The following STK40 variants were observed in gnomAD, a reference collection of about 807,000 sequenced individuals.
The protein encoded by STK40 is serine/threonine-protein kinase 40.
STK40 carries 13 observed loss-of-function variants against 47.9 expected under a neutral mutation model. That is an observed-to-expected ratio of 0.27 (90% CI 0.18 to 0.43). The LOEUF is 0.43. Ranked by LOEUF, STK40 falls within the 20% of genes least tolerant of loss-of-function variation. The probability of loss-of-function intolerance (pLI) is 1.00; values close to 1 mark genes in which losing one functional copy is unlikely to be tolerated. For missense variants in STK40, 460 were observed against 595.1 expected (o/e 0.77, Z 2.36); for synonymous variants, 225 against 243.2 (o/e 0.93, Z 0.69).
At position 36,340,867 on chromosome 1, in the gene STK40, G is replaced by A. The variant is rs749221399; in HGVS notation, c.*888C>T. The A allele has an allele frequency of 3.9e-5, 6 of 152,426 alleles. No individual in the cohort carries two copies. The highest frequency in any genetic ancestry group is 7.3e-5 in the Non-Finnish European group (5 of 68,210). 9.4% of individuals were successfully genotyped at this position (152,426 alleles called of 1,614,324 possible). Reference sequence around the variant, plus strand: ...GGCCAGGCCTGCAGCCCAACCCATGGGCCCCTTCGCACTGGGAGTCCACGT... The same window carrying A: ...GGCCAGGCCTGCAGCCCAACCCATGAGCCCCTTCGCACTGGGAGTCCACGT... On this transcript the variant is annotated 3_prime_UTR_variant, in exon 11 of 11. Transcript: ENST00000373132.
chr1:36,356,609 T>C (rs1327562295), intron 4 of STK40, among the ~76,000 whole-genome samples: 1 of 151,958 alleles, frequency 6.6e-6, no homozygotes, highest in African/African-American at 2.4e-5. Context: ...GTACTTTTAG[T>C]AGAGATGGGG....
chr1:36,354,435 A>C lies in STK40; in HGVS notation c.571-19T>G. The C allele has an allele frequency of 6.2e-7, 1 of 1,613,634 alleles. No homozygotes were observed. The highest frequency in any genetic ancestry group is 8.5e-7 in the Non-Finnish European group (1 of 1,179,668). On this transcript the variant is annotated intron_variant, in intron 5 of 10. Transcript: ENST00000373132. ...TATTTTTCTGTAAAACAACAGGCGT[A>C]TGGTTTACATTGTCAATGTGAGAGG... is the stretch of plus-strand genomic sequence containing the variant.
intron 6 of STK40, among the ~76,000 whole-genome samples, chr1:36,352,267 C>T (rs1646765378): frequency 6.6e-6 from 1 of 152,194 alleles, no homozygotes; most frequent in Non-Finnish European, 1.5e-5. Context: ...CTCTCAGCGA[C>T]AGGCTCTCCA....
At chr1:36,360,801 G>A (rs1010652245) in intron 2 of STK40, among the ~76,000 whole-genome samples, 9 of 152,056 alleles carry the variant, frequency 5.9e-5, no homozygotes, top group Non-Finnish European at 1.2e-4. Context: ...CCTCAGCCTC[G>A]AAAAGTGCTG....
At chr1:36,373,814 C>G (rs1646969397) in intron 1 of STK40, among the ~76,000 whole-genome samples, 1 of 152,238 alleles carries the variant, frequency 6.6e-6, no homozygotes, top group South Asian at 2.1e-4. Flanking sequence ...TATCACATCT[C>G]CAAATGCTGC....
intron 5 of STK40, 43 bp downstream of exon 5, chr1:36,355,163 G>T (rs552054328): frequency 1.3e-6 from 2 of 1,592,570 alleles, no homozygotes; most frequent in Admixed American, 3.3e-5. Context: ...AAGAAAGGTG[G>T]CTTTCTGTGG....
At chr1:36,377,634 C>T (rs1647003295) in intron 1 of STK40, among the ~76,000 whole-genome samples, 12 of 151,060 alleles carry the variant, frequency 7.9e-5, no homozygotes, top group Admixed American at 7.9e-4. Context: ...GAGGTGTAAG[C>T]ATAAGTGCCC....
intron 4 of STK40, among the ~76,000 whole-genome samples, chr1:36,356,632 A>G (rs898218456): frequency 1.3e-5 from 2 of 151,890 alleles, no homozygotes; most frequent in Non-Finnish European, 2.9e-5. Context: ...TCACCGTGTT[A>G]GCCAGTATGG....
chr1:36,369,761 C>T (rs1332540645), intron 1 of STK40, among the ~76,000 whole-genome samples: 1 of 152,242 alleles, frequency 6.6e-6, no homozygotes, highest in Non-Finnish European at 1.5e-5. Flanking sequence ...TGTGGGCTCC[C>T]TTGAGGGAGC....
intron 6 of STK40, among the ~76,000 whole-genome samples, chr1:36,352,887 G>A (rs545202708): frequency 6.6e-6 from 1 of 152,230 alleles, no homozygotes; most frequent in African/African-American, 2.4e-5. Flanking sequence ...GGTGCTAGTC[G>A]AAGGATGGAG....
chr1:36,355,954 G>A (rs975571434), intron 4 of STK40, among the ~76,000 whole-genome samples: 2 of 152,070 alleles, frequency 1.3e-5, no homozygotes, highest in African/African-American at 2.4e-5. Context: ...TCTCAGAAAA[G>A]AGGACTGTCG....
chr1:36,354,413 T>C lies in STK40; in HGVS notation c.574A>G (p.Asn192Asp), dbSNP rs1646784346. The change falls in exon 6 of 11, where the codon AAT (asparagine) becomes GAT (aspartate). Residue 192 changes from asparagine (N) to aspartate (D), a missense_variant. Asn to Asp is a conservative substitution (Grantham distance 23). This residue lies in a region of STK40 where 277 missense variants were observed against 358.7 expected (regional missense o/e 0.77). Coordinates refer to ENST00000373132, the MANE Select transcript of STK40 (RefSeq NM_001282547.2). Reference protein sequence around the residue: ...VRVVEALHQKNIVHRDLKLGN... With the variant: ...VRVVEALHQKDIVHRDLKLGN... ...AGCTTCAGGTCTCTGTGCACGATAT[T>C]TTTCTGTAAAACAACAGGCGTATGG... The C allele has an allele frequency of 6.2e-7, 1 of 1,614,032 alleles. No individual in the cohort carries two copies. The highest frequency in any genetic ancestry group is 8.5e-7 in the Non-Finnish European group (1 of 1,179,954).
chr1:36,343,464 C>T lies in STK40; in HGVS notation c.1005-16G>A, dbSNP rs957461567. ...CAGGGACTGCCTGCAGGGAGGCAGA[C>T]AGGTCAGGCTGGCCCCAGAGAGACC... On this transcript the variant is annotated splice_polypyrimidine_tract_variant and intron_variant, in intron 9 of 10. Transcript: ENST00000373132. 13 of 1,609,632 alleles carry T rather than the reference C, an allele frequency of 8.1e-6. No homozygotes were observed. In the East Asian group the frequency reaches 1.3e-4, roughly 17 times the overall value.
rs761856633 is a variant in STK40 at position 36,358,363 on chromosome 1, C to T, written c.218G>A (p.Arg73Lys). The change falls in exon 4 of 11, where the codon AGG (arginine) becomes AAG (lysine). Residue 73 changes from arginine to lysine, a missense_variant. Arg to Lys is a conservative substitution (Grantham distance 26). Around this residue, in one of 3 missense-constraint regions of STK40, gnomAD observed 277 missense variants for 358.7 expected, o/e 0.77. Transcript: ENST00000373132. ...YQLKILTLEERGDQGIESQEE... is the reference protein window; with the variant it reads ...YQLKILTLEEKGDQGIESQEE... ...CTGGCTCTCTATGCCTTGGTCCCCCCTCTCCTCCAGGGTCAGGATCTTTAG... is the reference window on the plus strand; with the variant it reads ...CTGGCTCTCTATGCCTTGGTCCCCCTTCTCCTCCAGGGTCAGGATCTTTAG... 3.1e-6 allele frequency: 5 copies of T among 1,604,496 alleles called. No homozygotes were observed. The African/African-American group carries it at 5.3e-5, about 17-fold the overall frequency.
intron 2 of STK40, among the ~76,000 whole-genome samples, chr1:36,359,833 G>A (rs540084122): frequency 6.6e-6 from 1 of 152,258 alleles, no homozygotes; most frequent in East Asian, 1.9e-4. Flanking sequence ...CCACACTCCA[G>A]CTCCTAATGT....
chr1:36,361,654 C>T (rs975076259), intron 1 of STK40, among the ~76,000 whole-genome samples: 1 of 152,146 alleles, frequency 6.6e-6, no homozygotes, highest in Admixed American at 6.5e-5. Context: ...TGTGCAGATG[C>T]TAATGCCAAA....
intron 4 of STK40, among the ~76,000 whole-genome samples, chr1:36,357,533 G>A (rs1312004064): frequency 6.6e-6 from 1 of 152,164 alleles, no homozygotes; most frequent in Admixed American, 6.5e-5. Flanking sequence ...CCTTTCCTAA[G>A]GGATCTGACC....
chr1:36,352,756 C>T (rs530661483), intron 6 of STK40, among the ~76,000 whole-genome samples: 2 of 152,354 alleles, frequency 1.3e-5, no homozygotes, highest in Admixed American at 6.5e-5. Flanking sequence ...ATGTCCCTTG[C>T]CCTCTGCACG....
intron 1 of STK40, among the ~76,000 whole-genome samples, chr1:36,383,956 A>G (rs1173293317): frequency 6.6e-6 from 1 of 151,260 alleles, no homozygotes. Context: ...CCCAAGGCTG[A>G]GCTCACAGCT....
Sources: gnomAD v4.1 joint callset for allele counts (sites outside exome capture counted in the v4.1 genomes callset) on GRCh38, gnomAD v4.1.1 for gene constraint, gnomAD v4.1.1 regional missense constraint, MANE v1.5 for transcripts, NCBI Gene and HGNC (gene_info 2026-07-23, HGNC 2026-07-21) for gene names.